ZNF804A: variants seen among roughly 807,000 people sequenced by gnomAD.
ZNF804A encodes the protein zinc finger protein 804A.
In ZNF804A, 2 loss-of-function variants were observed where a neutral mutation model predicts 16.5. The observed-to-expected ratio is 0.12, with a 90% CI of 0.05 to 0.38. The LOEUF (loss-of-function observed/expected upper bound fraction) is 0.38. ZNF804A is among the 10% of genes least tolerant of loss of function. ZNF804A has a pLI of 0.99. For synonymous variants in ZNF804A, 534 were observed against 489.6 expected (o/e 1.09, Z -1.20); for missense variants, 1,473 against 1,390.7 (o/e 1.06, Z -0.94).
intron 1 of ZNF804A, among the ~76,000 whole-genome samples, chr2:184,709,676 A>G (rs1207671190): frequency 6.6e-6 from 1 of 151,670 alleles, no homozygotes; most frequent in Non-Finnish European, 1.5e-5. Flanking sequence ...AGTTACCAAA[A>G]AATCGTTTCT....
intron 1 of ZNF804A, among the ~76,000 whole-genome samples, chr2:184,666,756 A>T (rs1472705635): frequency 6.6e-6 from 1 of 152,050 alleles, no homozygotes; most frequent in Non-Finnish European, 1.5e-5. Flanking sequence ...TCACGGTATT[A>T]TCATAATGTG....
intron 1 of ZNF804A, among the ~76,000 whole-genome samples, chr2:184,655,812 TA>T (rs1208199545): frequency 1.3e-5 from 2 of 151,810 alleles, no homozygotes; most frequent in Non-Finnish European, 2.9e-5. Context: ...ACAATTACCA[TA>T]AAAAAGAAAG....
chr2:184,884,437 A>C (rs1419553041), intron 2 of ZNF804A, among the ~76,000 whole-genome samples: 1 of 152,110 alleles, frequency 6.6e-6, no homozygotes, highest in Admixed American at 6.5e-5. Flanking sequence ...TCATAGAATT[A>C]GAAAAAAAAC....
chr2:184,886,874 G>T (rs1271918038), intron 2 of ZNF804A, among the ~76,000 whole-genome samples: 3 of 152,214 alleles, frequency 2.0e-5, no homozygotes, highest in African/African-American at 7.2e-5. Context: ...GATGAGAGGG[G>T]CTGCCATGAG....
chr2:184,740,241 A>G (rs768359542), intron 1 of ZNF804A, among the ~76,000 whole-genome samples: 1 of 152,214 alleles, frequency 6.6e-6, no homozygotes, highest in East Asian at 1.9e-4. Flanking sequence ...GCTCATGTGC[A>G]TTTGTTAGAA....
chr2:184,811,552 A>T (rs1304186024), intron 1 of ZNF804A, among the ~76,000 whole-genome samples: 1 of 152,146 alleles, frequency 6.6e-6, no homozygotes, highest in Non-Finnish European at 1.5e-5. Flanking sequence ...ATTGGGATAG[A>T]ATTTAAATAT....
intron 2 of ZNF804A, among the ~76,000 whole-genome samples, chr2:184,912,880 T>G (rs1326976565): frequency 6.6e-6 from 1 of 152,086 alleles, no homozygotes; most frequent in Non-Finnish European, 1.5e-5. Context: ...TTCTCTACAT[T>G]GTATTCTCAA....
chr2:184,837,328 C>T (rs1695368216), intron 1 of ZNF804A, among the ~76,000 whole-genome samples: 1 of 151,846 alleles, frequency 6.6e-6, no homozygotes, highest in African/African-American at 2.4e-5. Context: ...TAATTTAGCC[C>T]CCAAATTATG....
At chr2:184,726,216 C>G (rs1693407382) in intron 1 of ZNF804A, among the ~76,000 whole-genome samples, 1 of 151,580 alleles carries the variant, frequency 6.6e-6, no homozygotes, top group African/African-American at 2.4e-5. Flanking sequence ...TTCCCATTTC[C>G]CAGAGTGTTT....
In ZNF804A at chr2:184,810,165, C is replaced by G. The variant is rs78034979; in HGVS notation, c.112-56204C>G. Among the ~76,000 whole-genome samples, 866 of 152,254 alleles carry G rather than the reference C, an allele frequency of 5.7e-3. 12 individuals are homozygous for G. Among genetic ancestry groups the G allele is most frequent in the African/African-American group, 0.02 (828 of 41,548 alleles). On this transcript the variant is annotated intron_variant, in intron 1 of 3. Coordinates refer to ENST00000302277, the MANE Select transcript of ZNF804A (RefSeq NM_194250.2). Reference sequence around the variant, plus strand: ...CCCTTTGTCTATGTACTGCCTATGACTGGCTTTTTCTGACACTAGGAGAGT... The same window carrying G: ...CCCTTTGTCTATGTACTGCCTATGAGTGGCTTTTTCTGACACTAGGAGAGT...
In ZNF804A at chr2:184,850,779, A is replaced by T. The variant is rs1266037938; in HGVS notation, c.112-15590A>T. ...ATACAAATGTTATTTTTCAACATTT[A>T]AAATAATTATATATTAACAGTTCCC... On this transcript the variant is annotated intron_variant, in intron 1 of 3. Coordinates refer to ENST00000302277, the MANE Select transcript of ZNF804A (RefSeq NM_194250.2). Among the ~76,000 whole-genome samples the T allele has an allele frequency of 5.9e-5, 9 of 151,838 alleles. No homozygotes were observed. In the East Asian group the frequency reaches 1.7e-3, roughly 29 times the overall value.
chr2:184,861,882 C>CCATTAAG (rs1442804687), intron 1 of ZNF804A, among the ~76,000 whole-genome samples: 1 of 152,076 alleles, frequency 6.6e-6, no homozygotes, highest in Non-Finnish European at 1.5e-5. Context: ...CTGTGGTCAC[C>CCATTAAG]CATTAAGATT....
intron 1 of ZNF804A, among the ~76,000 whole-genome samples, chr2:184,847,821 A>G (rs1262831245): frequency 6.6e-6 from 1 of 152,012 alleles, no homozygotes; most frequent in Admixed American, 6.6e-5. Context: ...GGTAATTTTC[A>G]AAAATGACTC....
chr2:184,815,188 T>C (rs918877967), intron 1 of ZNF804A, among the ~76,000 whole-genome samples: 1 of 151,910 alleles, frequency 6.6e-6, no homozygotes, highest in African/African-American at 2.4e-5. Flanking sequence ...AAATCCACAT[T>C]ATCCACAGAT....
intron 2 of ZNF804A, among the ~76,000 whole-genome samples, chr2:184,892,909 G>A (rs534523454): frequency 1.3e-5 from 2 of 152,108 alleles, no homozygotes; most frequent in African/African-American, 4.8e-5. Flanking sequence ...TATTGCCTGT[G>A]TTATAATCAA....
At chr2:184,797,676 T>C (rs752599942) in intron 1 of ZNF804A, among the ~76,000 whole-genome samples, 34 of 152,300 alleles carry the variant, frequency 2.2e-4, no homozygotes, top group Non-Finnish European at 4.0e-4. Flanking sequence ...ATTTGTTGCC[T>C]GTTACATACA....
intron 2 of ZNF804A, among the ~76,000 whole-genome samples, chr2:184,926,094 G>A (rs1208748717): frequency 1.3e-5 from 2 of 151,962 alleles, no homozygotes; most frequent in Admixed American, 1.3e-4. Context: ...TATTACCAGT[G>A]AATATTGTAT....
chr2:184,679,208 T>C (rs1022816559), intron 1 of ZNF804A, among the ~76,000 whole-genome samples: 2 of 152,222 alleles, frequency 1.3e-5, no homozygotes, highest in Admixed American at 6.5e-5. Context: ...GAATGTGCTA[T>C]AGATCACTGG....
intron 2 of ZNF804A, among the ~76,000 whole-genome samples, chr2:184,926,480 G>A (rs1165730498): frequency 6.6e-6 from 1 of 151,938 alleles, no homozygotes; most frequent in Non-Finnish European, 1.5e-5. Context: ...CCTTGAGGTA[G>A]TCTTCTTTAG....
Sources: allele counts gnomAD v4.1 joint callset (sites outside exome capture counted in the v4.1 genomes callset), GRCh38; gene constraint gnomAD v4.1.1; transcripts MANE v1.5; gene names NCBI Gene and HGNC (gene_info 2026-07-23, HGNC 2026-07-21).